The following YAF2 variants were observed in gnomAD, a reference collection of about 807,000 sequenced individuals.
YAF2 encodes the protein YY1-associated factor 2.
A neutral mutation model predicts 20.1 loss-of-function variants in YAF2; 7 were observed. The ratio of observed to expected loss-of-function variants is 0.35; its 90% confidence interval spans 0.20 to 0.65. The LOEUF (loss-of-function observed/expected upper bound fraction) is 0.65. Ranked by LOEUF, YAF2 falls within the 30% of genes least tolerant of loss-of-function variation. The pLI, the probability that YAF2 is intolerant of heterozygous loss-of-function variation, is 0.69. For synonymous variants in YAF2, 74 were observed against 76.0 expected (o/e 0.97, Z 0.14); for missense variants, 151 against 219.2 (o/e 0.69, Z 1.96).
At chr12:42,203,923 C>G (rs777729086) in intron 2 of YAF2, among the ~76,000 whole-genome samples, 3 of 152,112 alleles carry the variant, frequency 2.0e-5, no homozygotes, top group Non-Finnish European at 4.4e-5. Flanking sequence ...ACAAATATCA[C>G]CATTAAAACT....
intron 2 of YAF2, chr12:42,235,967 G>C: frequency 6.5e-7 from 1 of 1,536,062 alleles, no homozygotes; most frequent in Middle Eastern, 1.7e-4. Context: ...CTGTGGAGTA[G>C]GACACCAGCT....
rs1346939292 is a variant in YAF2, at chr12:42,235,925, A to T, written c.152+1674T>A. ...CTTCTGAGCTGCCACCACCTACTCTATTTCTCAGGGTTCCTCTAACCCCAA... is the reference window on the plus strand; with the variant it reads ...CTTCTGAGCTGCCACCACCTACTCTTTTTCTCAGGGTTCCTCTAACCCCAA... On this transcript the variant is annotated intron_variant, in intron 2 of 3. Coordinates refer to ENST00000534854, the MANE Select transcript of YAF2 (RefSeq NM_005748.6). 2.6e-6 allele frequency: 4 copies of T among 1,535,914 alleles called. No individual in the cohort carries two copies. In the East Asian group the frequency reaches 9.8e-5, roughly 38 times the overall value.
At position 42,237,857 on chromosome 12, in the gene YAF2, C is replaced by T; in HGVS notation, c.27-133G>A. 4 of 802,346 alleles carry T rather than the reference C, an allele frequency of 5.0e-6. No homozygotes were observed. In the South Asian group the frequency reaches 2.3e-4, roughly 46 times the overall value. 49.7% of individuals were successfully genotyped at this position (802,346 alleles called of 1,614,324 possible). A position where few individuals can be genotyped will look rare whatever the true frequency, so the allele number is the denominator to read the frequency against. On this transcript the variant is annotated intron_variant, in intron 1 of 3. Transcript: ENST00000534854. ...ACCCCCGCCCCGCGGGCCCTCGGCGCGCCGCGCTCCGGCTGAGGGGGAAGG... is the reference window on the plus strand; with the variant it reads ...ACCCCCGCCCCGCGGGCCCTCGGCGTGCCGCGCTCCGGCTGAGGGGGAAGG...
At chr12:42,179,659 CG>C (rs907597441) in intron 2 of YAF2, among the ~76,000 whole-genome samples, 4 of 151,828 alleles carry the variant, frequency 2.6e-5, no homozygotes, top group Non-Finnish European at 5.9e-5. Flanking sequence ...CGTGGTGGCA[CG>C]TGCCACCCAG....
chr12:42,237,975 T>A (rs1486031557), intron 1 of YAF2, among the ~76,000 whole-genome samples, 180 bp downstream of exon 1: 2 of 145,678 alleles, frequency 1.4e-5, no homozygotes, highest in Non-Finnish European at 3.0e-5. Flanking sequence ...GCCGCCGCCA[T>A]CGCGGCTCCA....
chr12:42,165,089 C>A (rs955624393), intron 2 of YAF2, among the ~76,000 whole-genome samples: 10 of 147,142 alleles, frequency 6.8e-5, no homozygotes, highest in South Asian at 2.2e-4. Flanking sequence ...AGAAAAGAAA[C>A]TACTTGTTTG....
Position 42,185,700 on chromosome 12 carries a change from A to G in YAF2, c.153-23935T>C, listed in dbSNP as rs542043727. 9.8e-5 allele frequency among the ~76,000 whole-genome samples: 15 copies of G among 152,338 alleles called. No homozygotes were observed. In the East Asian group the frequency reaches 2.3e-3, roughly 23 times the overall value. ...AGATGGTCATTTGAATTTTTTAGCT[A>G]TATTTTAAATTAAGGTATATACATT... On this transcript the variant is annotated intron_variant, in intron 2 of 3. Coordinates refer to ENST00000534854, the MANE Select transcript of YAF2 (RefSeq NM_005748.6).
chr12:42,210,316 G>GA (rs951162282), intron 2 of YAF2: 55 of 1,377,970 alleles, frequency 4.0e-5, no homozygotes, highest in South Asian at 9.4e-5. Context: ...AATTTGGGGG[G>GA]AAAAAAAATC....
intron 2 of YAF2, among the ~76,000 whole-genome samples, chr12:42,199,697 G>C (rs1218377676): frequency 6.6e-6 from 1 of 151,938 alleles, no homozygotes; most frequent in Non-Finnish European, 1.5e-5. Context: ...GAACATAACA[G>C]TTTCACAAGC....
Position 42,158,167 on chromosome 12 carries a change from C to T in YAF2, c.*2422G>A, listed in dbSNP as rs1303546127. On this transcript the variant is annotated 3_prime_UTR_variant, in exon 4 of 4. Coordinates refer to ENST00000534854, the MANE Select transcript of YAF2 (RefSeq NM_005748.6). ...TACTTGAAGTAGGGTGAAACAAAGG[C>T]AGGTTGAGATACCTGTGATTAATAA... is the stretch of plus-strand genomic sequence containing the variant. 2.0e-5 allele frequency: 3 copies of T among 152,122 alleles called. No homozygotes were observed. The highest frequency in any genetic ancestry group is 4.4e-5 in the Non-Finnish European group (3 of 68,018). The allele number at this position is 152,122 out of a possible 1,614,324, so 9.4% of individuals were successfully genotyped here. A position where few individuals can be genotyped will look rare whatever the true frequency, so the allele number is the denominator to read the frequency against.
At chr12:42,206,290 TCTTA>T in intron 2 of YAF2, among the ~76,000 whole-genome samples, 1 of 123,228 alleles carries the variant, frequency 8.1e-6, no homozygotes, top group African/African-American at 3.4e-5. Flanking sequence ...TGCAATATGC[TCTTA>T]GTTAAAAAAA....
chr12:42,212,618 C>T (rs563110455), intron 2 of YAF2: 1 of 232,754 alleles, frequency 4.3e-6, no homozygotes, highest in Admixed American at 5.9e-5. Context: ...TCATTCTACA[C>T]AATCAAATTC....
chr12:42,230,002 C>T (rs1440477925), intron 2 of YAF2, among the ~76,000 whole-genome samples: 4 of 152,136 alleles, frequency 2.6e-5, no homozygotes, highest in Non-Finnish European at 5.9e-5. Flanking sequence ...CTTACGCCTG[C>T]AATCACAGCA....
rs547228046 is a variant in YAF2 at position 42,158,635 on chromosome 12, G to A, written c.*1954C>T. On this transcript the variant is annotated 3_prime_UTR_variant, in exon 4 of 4. Transcript: ENST00000534854. ...TCAAACATGAGGTGTCAGTTAGCAC[G>A]CTTAATCTCCATGCTACACCGTGTT... 5 of 152,210 alleles carry A rather than the reference G, an allele frequency of 3.3e-5. No individual in the cohort carries two copies. The highest frequency in any genetic ancestry group is 2.1e-4 in the South Asian group (1 of 4,818). 9.4% of individuals were successfully genotyped at this position (152,210 alleles called of 1,614,324 possible).
At chr12:42,182,951 CT>C (rs1300178908) in intron 2 of YAF2, among the ~76,000 whole-genome samples, 1 of 151,888 alleles carries the variant, frequency 6.6e-6, no homozygotes, top group East Asian at 1.9e-4. Flanking sequence ...TGTGGCAATC[CT>C]GTGCTCAGCA....
At chr12:42,186,574 G>A (rs965521457) in intron 2 of YAF2, among the ~76,000 whole-genome samples, 1 of 151,794 alleles carries the variant, frequency 6.6e-6, no homozygotes, top group Non-Finnish European at 1.5e-5. Context: ...CTACTTGGAA[G>A]GCTGTGAAAG....
intron 2 of YAF2, among the ~76,000 whole-genome samples, chr12:42,219,837 T>C (rs1273908175): frequency 6.6e-6 from 1 of 152,222 alleles, no homozygotes; most frequent in Non-Finnish European, 1.5e-5. Context: ...CCTGAGATTG[T>C]ACATTTCTAA....
chr12:42,187,680 A>G (rs140289497), intron 2 of YAF2, among the ~76,000 whole-genome samples: 1 of 152,338 alleles, frequency 6.6e-6, no homozygotes, highest in African/African-American at 2.4e-5. Context: ...TATATATAGC[A>G]TGAAAATACC....
At chr12:42,162,237 T>G (rs979971431) in intron 2 of YAF2, among the ~76,000 whole-genome samples, 1 of 152,200 alleles carries the variant, frequency 6.6e-6, no homozygotes, top group Non-Finnish European at 1.5e-5. Context: ...TATCAAAATT[T>G]CTCACTCCTT....
Sources: gnomAD v4.1 joint callset for allele counts (sites outside exome capture counted in the v4.1 genomes callset) on GRCh38, gnomAD v4.1.1 for gene constraint, MANE v1.5 for transcripts, NCBI Gene and HGNC (gene_info 2026-07-23, HGNC 2026-07-21) for gene names.